The following GARIN5A variants were observed in gnomAD, a reference collection of about 807,000 sequenced individuals.
GARIN5A encodes the protein Golgi-associated RAB2 interactor protein 5A.
At chr19:50,475,694 G>T in the GARIN5A span, 1 of 704,736 alleles carries the variant, frequency 1.4e-6, no homozygotes, top group African/African-American at 1.8e-5. Flanking sequence ...TAGAAGTATG[G>T]GGTGTCAGAG....
chr19:50,468,327 A>C, the GARIN5A span, among the ~76,000 whole-genome samples: 2 of 140,270 alleles, frequency 1.4e-5, no homozygotes, highest in African/African-American at 5.4e-5. Flanking sequence ...ACGCCACTGC[A>C]CTCCAGCCTG....
At chr19:50,476,784 G>A in the GARIN5A span, 1 of 641,390 alleles carries the variant, frequency 1.6e-6, no homozygotes, top group Non-Finnish European at 2.5e-6. Flanking sequence ...GAGATCCCTG[G>A]AAAGCCAGGC....
the GARIN5A span, chr19:50,476,224 C>G: frequency 6.2e-7 from 1 of 1,613,588 alleles, no homozygotes; most frequent in South Asian, 1.1e-5. Context: ...CCGACGGGAG[C>G]GGACGGAGGA....
chr19:50,467,433 G>C, the GARIN5A span: 2 of 652,836 alleles, frequency 3.1e-6, no homozygotes, highest in Non-Finnish European at 5.2e-6. Flanking sequence ...CAGGACCCCA[G>C]CCCTCATCTC....
the GARIN5A span, chr19:50,476,327 A>T: frequency 1.3e-6 from 2 of 1,589,384 alleles, no homozygotes; most frequent in Non-Finnish European, 1.7e-6. Context: ...CGGGCTCCTG[A>T]TTTGTGATGA....
At chr19:50,475,932 G>C in the GARIN5A span, 5 of 1,613,078 alleles carry the variant, frequency 3.1e-6, no homozygotes, top group Non-Finnish European at 4.2e-6. Context: ...CCGTGGGAGA[G>C]GCTGCAACCA....
chr19:50,475,285 TGAGG>T, the GARIN5A span: 2 of 1,537,328 alleles, frequency 1.3e-6, no homozygotes, highest in Non-Finnish European at 1.8e-6. Context: ...TGCCTGGAGC[TGAGG>T]GAGGAAGGGG....
the GARIN5A span, among the ~76,000 whole-genome samples, chr19:50,471,717 TACGC>T: frequency 2.7e-5 from 4 of 148,052 alleles, no homozygotes; most frequent in Non-Finnish European, 5.9e-5. Flanking sequence ...CGTGTGTGTA[TACGC>T]ATACATGCAC....
the GARIN5A span, chr19:50,475,861 A>G: frequency 6.2e-7 from 1 of 1,613,848 alleles, no homozygotes; most frequent in Non-Finnish European, 8.5e-7. Context: ...AAAGATGGGG[A>G]AGTCCCGAAA....
At chr19:50,472,101 TATATAC>T in the GARIN5A span, among the ~76,000 whole-genome samples, 2 of 144,742 alleles carry the variant, frequency 1.4e-5, no homozygotes, top group African/African-American at 5.4e-5. Context: ...TGTATATGTA[TATATAC>T]GTGTGTATAT....
At chr19:50,475,338 G>C in the GARIN5A span, 4 of 1,596,304 alleles carry the variant, frequency 2.5e-6, no homozygotes, top group Admixed American at 3.4e-5. Context: ...AAGAGTTGCA[G>C]GTGTCCGTTC....
the GARIN5A span, among the ~76,000 whole-genome samples, chr19:50,469,013 C>G: frequency 1.3e-5 from 2 of 152,208 alleles, no homozygotes; most frequent in African/African-American, 4.8e-5. Context: ...CCCCACAAGT[C>G]CCCCAGAAGG....
the GARIN5A span, among the ~76,000 whole-genome samples, chr19:50,471,997 C>G: frequency 7.3e-6 from 1 of 137,178 alleles, no homozygotes; most frequent in Non-Finnish European, 1.6e-5. Context: ...TGTATATATA[C>G]GTGTATGTAT....
the GARIN5A span, among the ~76,000 whole-genome samples, chr19:50,470,368 C>G: frequency 6.6e-6 from 1 of 152,094 alleles, no homozygotes; most frequent in African/African-American, 2.4e-5. Context: ...ACAAAATTAG[C>G]TGGGTGTGGT....
chr19:50,467,674 T>G, the GARIN5A span: 1 of 1,584,860 alleles, frequency 6.3e-7, no homozygotes, highest in African/African-American at 1.3e-5. Context: ...GCGCAGGCGG[T>G]AGAGCAGCCG....
chr19:50,475,458 G>A, the GARIN5A span: 1 of 1,602,036 alleles, frequency 6.2e-7, no homozygotes, highest in Admixed American at 1.7e-5. Flanking sequence ...CGAGTCACCT[G>A]GGGCCAGAGG....
the GARIN5A span, among the ~76,000 whole-genome samples, chr19:50,472,204 A>G: frequency 1.4e-5 from 2 of 148,006 alleles, no homozygotes; most frequent in African/African-American, 5.1e-5. Flanking sequence ...GTGTGCATGT[A>G]TATACATGTG....
At chr19:50,472,020 A>G in the GARIN5A span, among the ~76,000 whole-genome samples, 1 of 144,190 alleles carries the variant, frequency 6.9e-6, no homozygotes, top group Non-Finnish European at 1.5e-5. Context: ...ATACGTGTGT[A>G]TATGTATATG....
chr19:50,467,635 G>A, the GARIN5A span: 70 of 1,565,532 alleles, frequency 4.5e-5, no homozygotes, highest in Non-Finnish European at 5.6e-5. Flanking sequence ...TTACTCCTGC[G>A]TGAAGGGCAC....
Sources: allele counts gnomAD v4.1 joint callset (sites outside exome capture counted in the v4.1 genomes callset), GRCh38; gene constraint gnomAD v4.1.1; transcripts MANE v1.5; gene names NCBI Gene and HGNC (gene_info 2026-07-23, HGNC 2026-07-21).